ANKRD30A: variants seen among roughly 807,000 people sequenced by gnomAD.
The protein encoded by ANKRD30A is ankyrin repeat domain 30A, also known as ankyrin repeat domain-containing protein 30A.
ANKRD30A carries 170 observed loss-of-function variants against 166.3 expected under a neutral mutation model. The ratio of observed to expected loss-of-function variants is 1.02; its 90% CI spans 0.90 to 1.16. The LOEUF (loss-of-function observed/expected upper bound fraction) is 1.16, where lower values mean the gene tolerates loss of function less well. ANKRD30A is among the 50% of genes most tolerant of loss of function. The probability of loss-of-function intolerance (pLI) is 0.00; values close to 1 mark genes in which losing one functional copy is unlikely to be tolerated. For synonymous variants in ANKRD30A, 564 were observed against 508.9 expected (o/e 1.11, Z -1.46); for missense variants, 1,630 against 1,518.0 (o/e 1.07, Z -1.23).
At chr10:37,232,614 A>G (rs1346441084), downstream of ANKRD30A, 2 of 131,304 alleles carry the variant, frequency 1.5e-5, no homozygotes, top group Admixed American at 1.7e-4. Flanking sequence ...TCCCAAAATG[A>G]TGCCAGCAAT....
At chr10:37,167,834 A>G (rs1293583555) in intron 19 of ANKRD30A, among the ~76,000 whole-genome samples, 1 of 146,300 alleles carries the variant, frequency 6.8e-6, no homozygotes, top group African/African-American at 2.6e-5. Flanking sequence ...TCAATTCTAC[A>G]TTCAGCTGAA....
intron 15 of ANKRD30A, 24 bp downstream of exon 15, chr10:37,158,610 A>C (rs1204646868): frequency 6.2e-7 from 1 of 1,610,774 alleles, no homozygotes; most frequent in Non-Finnish European, 8.5e-7. Flanking sequence ...TTTTAATTTT[A>C]CTCTGGAAAG....
intron 34 of ANKRD30A, 133 bp downstream of exon 34, chr10:37,220,030 A>ATATATATATATATGG (rs1842831122): frequency 2.0e-5 from 3 of 147,472 alleles, no homozygotes; most frequent in Non-Finnish European, 3.7e-5. Flanking sequence ...TATATATATA[A>ATATATATATATATGG]TATATGTATG....
the ANKRD30A span, among the ~76,000 whole-genome samples, chr10:37,240,404 G>C: frequency 5.9e-5 from 9 of 152,138 alleles, no homozygotes; most frequent in Non-Finnish European, 1.0e-4. Context: ...TAGCCAAACA[G>C]TCATAGTTCA....
At chr10:37,216,708 C>T (rs1372338306) in intron 32 of ANKRD30A, among the ~76,000 whole-genome samples, 1 of 151,164 alleles carries the variant, frequency 6.6e-6, no homozygotes, top group Admixed American at 6.6e-5. Flanking sequence ...CAAGGCATAA[C>T]TGCATGTAAA....
Position 37,158,397 on chromosome 10 carries a change from C to A in ANKRD30A, c.1804C>A (p.Pro602Thr). The change falls in exon 14 of 36, where the codon CCT becomes ACT. Residue 602 changes from proline (P) to threonine (T), a missense_variant. Around this residue, in one of 4 missense-constraint regions of ANKRD30A, gnomAD observed 904 missense variants for 818.5 expected, o/e 1.10. Coordinates refer to ENST00000361713, the MANE Select transcript of ANKRD30A (RefSeq NM_052997.3). The stretch of plus-strand genomic sequence containing the variant: ...GTATGTCCCTTTTCTTATAGAGTCT[C>A]CTAATAAAGATGGTCTTCTGAAGGT... ...DKINGKLEES[P>T]NKDGLLKATC... 1.2e-6 allele frequency: 2 copies of A among 1,609,794 alleles called. No individual in the cohort carries two copies. The highest frequency in any genetic ancestry group is 1.7e-6 in the Non-Finnish European group (2 of 1,176,966).
At chr10:37,137,916 G>A (rs1836827181) in intron 6 of ANKRD30A, among the ~76,000 whole-genome samples, 1 of 152,298 alleles carries the variant, frequency 6.6e-6, no homozygotes, top group Non-Finnish European at 1.5e-5. Context: ...ATCTGAGAAC[G>A]GACAGACTGC....
intron 27 of ANKRD30A, among the ~76,000 whole-genome samples, chr10:37,196,568 G>T (rs986005896): frequency 1.3e-5 from 2 of 152,138 alleles, no homozygotes; most frequent in African/African-American, 4.8e-5. Context: ...AAATATTGTG[G>T]TGACTTAACA....
At chr10:37,148,467 T>A (rs180835424) in intron 9 of ANKRD30A, among the ~76,000 whole-genome samples, 218 of 152,216 alleles carry the variant, frequency 1.4e-3, no homozygotes, top group Non-Finnish European at 2.7e-3. Flanking sequence ...AGAGTTTTTT[T>A]AAATTTTTTT....
rs1224932774 is a variant in ANKRD30A at position 37,193,086 on chromosome 10, T to C, written c.2535T>C (p.Phe845=). 1.2e-6 allele frequency: 2 copies of C among 1,608,288 alleles called. No individual in the cohort carries two copies. The highest frequency in any genetic ancestry group is 1.7e-5 in the Admixed American group (1 of 59,954). The change falls in exon 26 of 36, where the codon TTT becomes TTC. Residue 845 remains phenylalanine, a synonymous_variant. Transcript: ENST00000361713. Reference sequence around the variant, plus strand: ...TAGAGTCTCCTGATAATGATGGTTTTCTGAAGGTAATAACTTTTATATTTT... The same window carrying C: ...TAGAGTCTCCTGATAATGATGGTTTCCTGAAGGTAATAACTTTTATATTTT... The part of the protein sequence containing the change: ...KLEESPDNDG[F]LKAPCRMKVS...
At position 37,219,546 on chromosome 10, in the gene ANKRD30A, A is replaced by G. The variant is rs1240895329; in HGVS notation, c.3834A>G (p.Thr1278=). ...CAGGAGATGCTCTAAGAGAAAATAC[A>G]TTGGTTTCAGAACATGCACAAAGAG... ...NYAGDALREN[T]LVSEHAQRDQ... The change falls in exon 34 of 36, where the codon ACA becomes ACG. Residue 1278 remains threonine (T), a synonymous_variant. Transcript: ENST00000361713. 15 of 1,610,276 alleles carry G rather than the reference A, an allele frequency of 9.3e-6. No homozygotes were observed. Among genetic ancestry groups the G allele is most frequent in the East Asian group, 4.5e-5 (2 of 44,708 alleles).
At chr10:37,157,909 C>G (rs1838509487) in intron 13 of ANKRD30A, among the ~76,000 whole-genome samples, 1 of 152,076 alleles carries the variant, frequency 6.6e-6, no homozygotes, top group Non-Finnish European at 1.5e-5. Context: ...CTTTGCAATT[C>G]CTAAACTCCA....
intron 8 of ANKRD30A, among the ~76,000 whole-genome samples, chr10:37,146,457 G>C (rs1045618558): frequency 2.0e-5 from 3 of 150,232 alleles, no homozygotes; most frequent in African/African-American, 7.3e-5. Context: ...TTGCGGCAGC[G>C]CTCCTCTGGA....
chr10:37,151,590 C>A (rs886232737), intron 11 of ANKRD30A, among the ~76,000 whole-genome samples: 13 of 152,024 alleles, frequency 8.6e-5, no homozygotes, highest in African/African-American at 3.1e-4. Flanking sequence ...TGACTAACAT[C>A]AAAAAGTTAA....
rs1157004622 is a variant in ANKRD30A, at chr10:37,183,693, A to T, written c.2422-5774A>T. ...GTCTCATTTCTCATATAAACTGTGA[A>T]AATTCTCCACGGCTTCACATGCTAG... On this transcript the variant is annotated intron_variant, in intron 24 of 35. Coordinates refer to ENST00000361713, the MANE Select transcript of ANKRD30A (RefSeq NM_052997.3). Among the ~76,000 whole-genome samples the T allele has an allele frequency of 7.4e-5, 11 of 148,146 alleles. No homozygotes were observed. The East Asian group carries it at 2.2e-3, about 30-fold the overall frequency.
chr10:37,128,868 C>T (rs957749814), intron 1 of ANKRD30A, among the ~76,000 whole-genome samples: 1 of 151,990 alleles, frequency 6.6e-6, no homozygotes, highest in African/African-American at 2.4e-5. Context: ...TAACTACCAA[C>T]CGTGATTTTG....
In ANKRD30A at chr10:37,203,390, G is replaced by A. The variant is rs1841780723; in HGVS notation, c.2869+2065G>A. On this transcript the variant is annotated intron_variant, in intron 31 of 35. Transcript: ENST00000361713. ...ACAGAACCAAAAACAAAAACCACAT[G>A]ATTATCTCAATAGATGCAGAAAAGG... Among the ~76,000 whole-genome samples, 3 of 152,126 alleles carry A rather than the reference G, an allele frequency of 2.0e-5. No individual in the cohort carries two copies. The South Asian group carries it at 6.2e-4, about 31-fold the overall frequency.
chr10:37,225,594 A>C (rs1041639591), intron 34 of ANKRD30A, among the ~76,000 whole-genome samples: 4 of 151,854 alleles, frequency 2.6e-5, no homozygotes, highest in Non-Finnish European at 5.9e-5. Context: ...AAAATCTGTC[A>C]GTGCTTTGAG....
chr10:37,172,073 C>T lies in ANKRD30A; in HGVS notation c.2258-1639C>T, dbSNP rs567016939. Among the ~76,000 whole-genome samples the T allele has an allele frequency of 3.3e-4, 46 of 140,252 alleles. 1 individual carries two copies. Among genetic ancestry groups the T allele is most frequent in the African/African-American group, 1.2e-3 (44 of 36,570 alleles). The allele number at this position is 140,252 out of a possible 152,430, so 92.0% of individuals were successfully genotyped here. A position where few individuals can be genotyped will look rare whatever the true frequency, so the allele number is the denominator to read the frequency against. The stretch of plus-strand genomic sequence containing the variant: ...TTATTTAAAAAATGGTGACCGGGTG[C>T]GGTGGCTCACGTCTGTAATGCCAGC... On this transcript the variant is annotated intron_variant, in intron 21 of 35. Transcript: ENST00000361713.
Sources: allele counts gnomAD v4.1 joint callset (sites outside exome capture counted in the v4.1 genomes callset), GRCh38; gene constraint gnomAD v4.1.1; regional missense constraint gnomAD v4.1.1; transcripts MANE v1.5; gene names NCBI Gene and HGNC (gene_info 2026-07-23, HGNC 2026-07-21).